The following PCDH15 variants were observed in gnomAD, a reference collection of about 807,000 sequenced individuals.
PCDH15 encodes protocadherin-15.
In PCDH15, 129 loss-of-function variants were observed where a neutral mutation model predicts 178.5. The observed-to-expected ratio is 0.72, with a 90% confidence interval of 0.63 to 0.84. The LOEUF (loss-of-function observed/expected upper bound fraction) is 0.84. PCDH15 is among the 40% of genes least tolerant of loss of function. PCDH15 has a pLI of 0.00. For synonymous variants in PCDH15, 800 were observed against 732.0 expected (o/e 1.09, Z -1.50); for missense variants, 2,230 against 2,099.9 (o/e 1.06, Z -1.21).
intron 8 of PCDH15, among the ~76,000 whole-genome samples, chr10:54,273,384 AAG>A (rs199532946): frequency 7.3e-4 from 68 of 92,658 alleles, no homozygotes; most frequent in Non-Finnish European, 9.7e-4. Context: ...TAAAAAAAAA[AAG>A]GTGATGCTTT....
chr10:54,332,889 T>C (rs961766345), intron 6 of PCDH15, among the ~76,000 whole-genome samples: 1 of 152,076 alleles, frequency 6.6e-6, no homozygotes, highest in Admixed American at 6.6e-5. Context: ...ATCTATCCTT[T>C]AGAGATTTTA....
chr10:54,979,200 G>T (rs547117304), intron 2 of PCDH15, among the ~76,000 whole-genome samples: 4 of 152,220 alleles, frequency 2.6e-5, no homozygotes, highest in African/African-American at 9.6e-5. Flanking sequence ...GAAATGATTT[G>T]TTATGGTGAT....
chr10:55,178,585 CA>C (rs1337230300), intron 1 of PCDH15, among the ~76,000 whole-genome samples: 4 of 152,092 alleles, frequency 2.6e-5, no homozygotes, highest in African/African-American at 7.2e-5. Flanking sequence ...ACTTCTTCAG[CA>C]GTGAAGATCA....
intron 10 of PCDH15, among the ~76,000 whole-genome samples, chr10:54,205,605 T>C (rs1311009361): frequency 2.6e-5 from 4 of 151,624 alleles, no homozygotes. Flanking sequence ...TATTAGGTTT[T>C]TGCCATTAAA....
chr10:54,630,597 A>G (rs149710519), intron 2 of PCDH15, among the ~76,000 whole-genome samples: 447 of 152,318 alleles, frequency 2.9e-3, no homozygotes, highest in African/African-American at 9.9e-3. Context: ...TTGGCTAAGA[A>G]TTTATGAGTA....
intron 2 of PCDH15, among the ~76,000 whole-genome samples, chr10:55,511,017 G>A (rs758983787): frequency 6.6e-6 from 1 of 150,664 alleles, no homozygotes; most frequent in Non-Finnish European, 1.5e-5. Context: ...GCACCAACAT[G>A]AGTGGCTAAT....
At chr10:54,149,941 G>C (rs1024227850) in intron 14 of PCDH15, among the ~76,000 whole-genome samples, 2 of 152,086 alleles carry the variant, frequency 1.3e-5, no homozygotes, top group African/African-American at 4.8e-5. Context: ...AGTTGGGGAG[G>C]AAGAGGGGCA....
intron 1 of PCDH15, among the ~76,000 whole-genome samples, chr10:55,210,618 CTTTTTTTTTTTTTTTT>C (rs11412877): frequency 1.8e-3 from 73 of 40,348 alleles, no homozygotes; most frequent in Middle Eastern, 0.042. Context: ...TTTTTCTTTT[CTTTTTTTTTTTTTTTT>C]TTTTTTTTTT....
At chr10:55,172,814 T>C (rs1036307768) in intron 1 of PCDH15, among the ~76,000 whole-genome samples, 3 of 151,992 alleles carry the variant, frequency 2.0e-5, no homozygotes, top group African/African-American at 4.8e-5. Context: ...TTTAAATATA[T>C]ATATATCTAT....
chr10:54,205,561 G>A (rs1009221727), intron 10 of PCDH15, among the ~76,000 whole-genome samples: 1 of 147,820 alleles, frequency 6.8e-6, no homozygotes, highest in Non-Finnish European at 1.5e-5. Flanking sequence ...TGTGCTCCAT[G>A]AATCAATGAA....
rs1841105370 is a variant in PCDH15 at position 53,805,704 on chromosome 10, G to A, written c.*875C>T. 1 of 152,014 alleles carries A rather than the reference G, an allele frequency of 6.6e-6. No individual in the cohort carries two copies. The highest frequency in any genetic ancestry group is 2.4e-5 in the African/African-American group (1 of 41,400). The allele number at this position is 152,014 out of a possible 1,614,324, so 9.4% of individuals were successfully genotyped here. On this transcript the variant is annotated 3_prime_UTR_variant, in exon 38 of 38. Transcript: ENST00000644397. ...TATTAAAGTCTAGTGACATTAATGT[G>A]AGACTTCCCTAACCTCACCATGTCT...
At chr10:55,560,697 CT>C (rs1478354937) in intron 2 of PCDH15, among the ~76,000 whole-genome samples, 8 of 151,848 alleles carry the variant, frequency 5.3e-5, no homozygotes, top group Non-Finnish European at 1.2e-4. Flanking sequence ...CAAACTTTCT[CT>C]TTTGTTGACA....
intron 18 of PCDH15, among the ~76,000 whole-genome samples, chr10:54,061,841 T>A (rs1046727744): frequency 6.6e-6 from 1 of 152,184 alleles, no homozygotes; most frequent in Non-Finnish European, 1.5e-5. Context: ...TTTTTTAATA[T>A]GCTGGATAAA....
chr10:55,055,634 C>G (rs1564753271), intron 2 of PCDH15, among the ~76,000 whole-genome samples: 1 of 151,902 alleles, frequency 6.6e-6, no homozygotes, highest in Admixed American at 6.6e-5. Context: ...GAAACCTTAT[C>G]CCTTCAAAAA....
At chr10:54,798,249 T>C (rs543420274) in intron 1 of PCDH15, among the ~76,000 whole-genome samples, 1 of 151,944 alleles carries the variant, frequency 6.6e-6, no homozygotes, top group South Asian at 2.1e-4. Flanking sequence ...TTCCTTCCAA[T>C]ACCCTTGGAT....
At chr10:53,972,711 C>T (rs1180670623) in intron 21 of PCDH15, among the ~76,000 whole-genome samples, 1 of 152,160 alleles carries the variant, frequency 6.6e-6, no homozygotes, top group East Asian at 1.9e-4. Flanking sequence ...CACTGGCCAT[C>T]AGAGAAATGC....
At position 54,427,541 on chromosome 10, in the gene PCDH15, G is replaced by C. The variant is rs111344534; in HGVS notation, c.158-48599C>G. 8.0e-3 allele frequency among the ~76,000 whole-genome samples: 1,219 copies of C among 151,932 alleles called. 16 individuals are homozygous for C. The highest frequency in any genetic ancestry group is 0.028 in the African/African-American group (1,152 of 41,454). ...GATCCGCCCACCTCAGCCTCCCAAAGTGCTGGGATTACAGGCGTGAGCCAC... is the reference window on the plus strand; with the variant it reads ...GATCCGCCCACCTCAGCCTCCCAAACTGCTGGGATTACAGGCGTGAGCCAC... On this transcript the variant is annotated intron_variant, in intron 3 of 37. Transcript: ENST00000644397.
intron 20 of PCDH15, among the ~76,000 whole-genome samples, chr10:54,006,806 A>C (rs994413467): frequency 6.6e-6 from 1 of 152,158 alleles, no homozygotes; most frequent in Admixed American, 6.5e-5. Context: ...TGTGTTTAAC[A>C]ACAACCTCAG....
At chr10:55,466,252 A>G (rs1366306199) in intron 2 of PCDH15, among the ~76,000 whole-genome samples, 1 of 152,216 alleles carries the variant, frequency 6.6e-6, no homozygotes, top group African/African-American at 2.4e-5. Flanking sequence ...GAGACAGCTT[A>G]ATTAACATAA....
Sources: allele counts gnomAD v4.1 joint callset (sites outside exome capture counted in the v4.1 genomes callset), GRCh38; gene constraint gnomAD v4.1.1; transcripts MANE v1.5; gene names NCBI Gene and HGNC (gene_info 2026-07-23, HGNC 2026-07-21).